Variants in ZBTB41 observed in about 807,000 individuals in gnomAD.
The protein encoded by ZBTB41 is zinc finger and BTB domain-containing protein 41.
Under a neutral mutation model 87.6 loss-of-function variants are expected in ZBTB41, and 42 were observed. The ratio of observed to expected loss-of-function variants is 0.48; its 90% CI spans 0.37 to 0.62. The LOEUF (loss-of-function observed/expected upper bound fraction) is 0.62. Among genes scored for constraint, ZBTB41 ranks in the 20% least tolerant of loss-of-function variants. The pLI is 0.00. For synonymous variants in ZBTB41, 364 were observed against 364.0 expected (o/e 1.00, Z 0.00); for missense variants, 799 against 1,078.9 (o/e 0.74, Z 3.63).
At chr1:197,163,742 G>A (rs937572665) in intron 10 of ZBTB41, among the ~76,000 whole-genome samples, 1 of 151,714 alleles carries the variant, frequency 6.6e-6, no homozygotes, top group African/African-American at 2.4e-5. Context: ...CAATTAAAAA[G>A]AGACATTTCC....
rs1249820114 is a variant in ZBTB41 at position 197,181,122 on chromosome 1, A to G, written c.1547-5T>C. ...ATATATCACATGGAAAAGGACCTAA[A>G]AAGGAAAAAAAAAAAGTGTGCATTT... On this transcript the variant is annotated splice_region_variant and splice_polypyrimidine_tract_variant and intron_variant, in intron 5 of 10. Coordinates refer to ENST00000367405, the MANE Select transcript of ZBTB41 (RefSeq NM_194314.3). The G allele has an allele frequency of 1.3e-6, 2 of 1,568,662 alleles. No individual in the cohort carries two copies. Among genetic ancestry groups the G allele is most frequent in the Non-Finnish European group, 1.7e-6 (2 of 1,169,116 alleles).
At position 197,157,084 on chromosome 1, in the gene ZBTB41, A is replaced by G. The variant is rs964380833; in HGVS notation, c.*2275T>C. The G allele has an allele frequency of 1.3e-5, 2 of 152,246 alleles. No individual in the cohort carries two copies. The highest frequency in any genetic ancestry group is 3.0e-5 in the Non-Finnish European group (2 of 67,776). 9.4% of individuals were successfully genotyped at this position (152,246 alleles called of 1,614,324 possible). On this transcript the variant is annotated 3_prime_UTR_variant, in exon 11 of 11. Coordinates refer to ENST00000367405, the MANE Select transcript of ZBTB41 (RefSeq NM_194314.3). Reference sequence around the variant, plus strand: ...TCAAGTTTAAGTTATCTACAATAGTAACTAAATACAATTATATTATTATAT... The same window carrying G: ...TCAAGTTTAAGTTATCTACAATAGTGACTAAATACAATTATATTATTATAT...
intron 4 of ZBTB41, among the ~76,000 whole-genome samples, chr1:197,189,939 G>A (rs1429669567): frequency 1.3e-5 from 2 of 152,140 alleles, no homozygotes; most frequent in Non-Finnish European, 2.9e-5. Context: ...TTTTTTTTGA[G>A]ATGGAGTCTG....
At chr1:197,196,703 A>G (rs1326499209) in intron 2 of ZBTB41, among the ~76,000 whole-genome samples, 1 of 152,200 alleles carries the variant, frequency 6.6e-6, no homozygotes, top group African/African-American at 2.4e-5. Context: ...CAAGACATAC[A>G]AAATCTGACC....
In ZBTB41 at chr1:197,159,998, C is replaced by G. The variant is rs754779113; in HGVS notation, c.2091G>C (p.Lys697Asn). ...FRTHSGEKPY[K>N]CQICNQSFRI... ...TAAAAGACTGATTGCAAATTTGACA[C>G]TTGTATGGTTTTTCACCTATATGAA... The change falls in exon 11 of 11, where the codon AAG becomes AAC. Residue 697 changes from lysine to asparagine, a missense_variant. Around this residue, in one of 5 missense-constraint regions of ZBTB41, gnomAD observed 198 missense variants for 358.4 expected, o/e 0.55. Transcript: ENST00000367405. The G allele has an allele frequency of 1.2e-6, 2 of 1,612,058 alleles. No homozygotes were observed. The highest frequency in any genetic ancestry group is 1.7e-6 in the Non-Finnish European group (2 of 1,178,712).
chr1:197,184,915 A>T (rs1195870581), intron 5 of ZBTB41, among the ~76,000 whole-genome samples: 1 of 152,026 alleles, frequency 6.6e-6, no homozygotes, highest in Non-Finnish European at 1.5e-5. Flanking sequence ...CTTGGGTTCA[A>T]GCTATTCTCC....
intron 6 of ZBTB41, among the ~76,000 whole-genome samples, chr1:197,180,368 C>T (rs779594730): frequency 4.6e-5 from 7 of 152,160 alleles, no homozygotes; most frequent in Admixed American, 2.0e-4. Context: ...TGCATTTCTC[C>T]GAACATAGCA....
chr1:197,168,539 A>G (rs1659402010), intron 10 of ZBTB41, among the ~76,000 whole-genome samples: 1 of 152,148 alleles, frequency 6.6e-6, no homozygotes, highest in Admixed American at 6.5e-5. Flanking sequence ...TTTCCAAAAA[A>G]TAGCGCTAAA....
Position 197,199,925 on chromosome 1 carries a change from A to G in ZBTB41, c.549T>C (p.His183=). The G allele has an allele frequency of 6.2e-7, 1 of 1,612,736 alleles. No homozygotes were observed. Among genetic ancestry groups the G allele is most frequent in the Non-Finnish European group, 8.5e-7 (1 of 1,179,272 alleles). Residue 183 remains histidine (H), a synonymous_variant, in exon 2 of 11, where the codon CAT becomes CAC. Transcript: ENST00000367405. Reference sequence around the variant, plus strand: ...GTGATGACTTTTCAGTTAGCTCTGAATGAAAAGGGGCAACATTTTCGTTAT... The same window carrying G: ...GTGATGACTTTTCAGTTAGCTCTGAGTGAAAAGGGGCAACATTTTCGTTAT... ...LLNNENVAPF[H]SELTEKSSPE... is the part of the protein sequence containing the mutation.
At chr1:197,182,265 G>T (rs1659764595) in intron 5 of ZBTB41, among the ~76,000 whole-genome samples, 1 of 152,092 alleles carries the variant, frequency 6.6e-6, no homozygotes, top group Non-Finnish European at 1.5e-5. Flanking sequence ...CTTCAGCTGG[G>T]CAAAGGAAGA....
intron 3 of ZBTB41, 62 bp downstream of exon 3, chr1:197,191,630 T>C: frequency 7.3e-7 from 1 of 1,372,762 alleles, no homozygotes; most frequent in Non-Finnish European, 9.8e-7. Context: ...TGTTTTTAGC[T>C]TTCCACATAT....
At position 197,159,045 on chromosome 1, in the gene ZBTB41, C is replaced by A; in HGVS notation, c.*314G>T. 3.8e-6 allele frequency: 1 copy of A among 263,352 alleles called. No individual in the cohort carries two copies. Among genetic ancestry groups the A allele is most frequent in the South Asian group, 5.3e-5 (1 of 18,996 alleles). 16.3% of individuals were successfully genotyped at this position (263,352 alleles called of 1,614,324 possible). On this transcript the variant is annotated 3_prime_UTR_variant, in exon 11 of 11. Transcript: ENST00000367405. ...TGAGACTAAAGAAGAATAAAAATTT[C>A]CACTGATGATTAAAAAAAATACTTC...
At position 197,200,139 on chromosome 1, in the gene ZBTB41, T is replaced by C; in HGVS notation, c.335A>G (p.Tyr112Cys). 1 of 1,613,926 alleles carries C rather than the reference T, an allele frequency of 6.2e-7. No individual in the cohort carries two copies. Among genetic ancestry groups the C allele is most frequent in the Non-Finnish European group, 8.5e-7 (1 of 1,180,016 alleles). Reference sequence around the variant, plus strand: ...ATTTTTGCTCAAACACGCATGAAAATAACTACTGCCGACAGCAACGACTAC... The same window carrying C: ...ATTTTTGCTCAAACACGCATGAAAACAACTACTGCCGACAGCAACGACTAC... ...HKVVVAVGSS[Y>C]FHACLSKNPS... Residue 112 changes from tyrosine to cysteine, a missense_variant, in exon 2 of 11, where the codon TAT (tyrosine) becomes TGT (cysteine). Physicochemically the swap from Tyr to Cys is radical, Grantham distance 194. Around this residue, in one of 5 missense-constraint regions of ZBTB41, gnomAD observed 59 missense variants for 120.1 expected, o/e 0.49. Coordinates refer to ENST00000367405, the MANE Select transcript of ZBTB41 (RefSeq NM_194314.3).
At chr1:197,166,982 C>T (rs1659361676) in intron 10 of ZBTB41, among the ~76,000 whole-genome samples, 1 of 152,118 alleles carries the variant, frequency 6.6e-6, no homozygotes, top group Admixed American at 6.5e-5. Flanking sequence ...CTCCAGATAA[C>T]TGAAAAAGAT....
intron 4 of ZBTB41, 70 bp downstream of exon 4, chr1:197,190,692 T>C (rs1660004772): frequency 1.1e-6 from 1 of 901,930 alleles, no homozygotes; most frequent in African/African-American, 1.7e-5. Context: ...TAAAACCTAA[T>C]TACTTTACTT....
chr1:197,177,638 C>T (rs769204265), intron 7 of ZBTB41, among the ~76,000 whole-genome samples: 3 of 151,990 alleles, frequency 2.0e-5, no homozygotes, highest in Non-Finnish European at 2.9e-5. Flanking sequence ...TTTATAGTCA[C>T]CCAAAGACAG....
In ZBTB41 at chr1:197,199,532, T is replaced by C. The variant is rs1249037709; in HGVS notation, c.942A>G (p.Ser314=). ...GTTCTTCAATGTCAGAGTACTCATCTGACATCTCCTCCTCTAGCTCATCTT... is the reference window on the plus strand; with the variant it reads ...GTTCTTCAATGTCAGAGTACTCATCCGACATCTCCTCCTCTAGCTCATCTT... ...AEEDELEEEM[S]DEYSDIEEQS... Residue 314 remains serine (S), a synonymous_variant, in exon 2 of 11, where the codon TCA becomes TCG. Coordinates refer to ENST00000367405, the MANE Select transcript of ZBTB41 (RefSeq NM_194314.3). The C allele has an allele frequency of 6.2e-7, 1 of 1,610,478 alleles. No individual in the cohort carries two copies. Among genetic ancestry groups the C allele is most frequent in the Non-Finnish European group, 8.5e-7 (1 of 1,178,868 alleles).
At chr1:197,167,284 T>C (rs1175838946) in intron 10 of ZBTB41, among the ~76,000 whole-genome samples, 1 of 152,036 alleles carries the variant, frequency 6.6e-6, no homozygotes, top group Admixed American at 6.6e-5. Flanking sequence ...CAGCCTCAAT[T>C]TCCCCGGCTA....
At chr1:197,196,791 G>GC (rs1227871143) in intron 2 of ZBTB41, among the ~76,000 whole-genome samples, 1 of 152,062 alleles carries the variant, frequency 6.6e-6, no homozygotes, top group Non-Finnish European at 1.5e-5. Flanking sequence ...TCACACTTGA[G>GC]CAATTTCCAG....
Sources: allele counts gnomAD v4.1 joint callset (sites outside exome capture counted in the v4.1 genomes callset), GRCh38; gene constraint gnomAD v4.1.1; regional missense constraint gnomAD v4.1.1; transcripts MANE v1.5; gene names NCBI Gene and HGNC (gene_info 2026-07-23, HGNC 2026-07-21).